The following SPAG16 variants were observed in gnomAD, a reference collection of about 807,000 sequenced individuals.
The protein encoded by SPAG16 is sperm associated antigen 16.
Under a neutral mutation model 80.4 loss-of-function variants are expected in SPAG16, and 86 were observed. The ratio of observed to expected loss-of-function variants is 1.07; its 90% CI spans 0.90 to 1.28. The LOEUF (loss-of-function observed/expected upper bound fraction) is 1.28, where lower values mean the gene tolerates loss of function less well. SPAG16 is among the 50% of genes most tolerant of loss of function. The pLI is 0.00. For synonymous variants in SPAG16, 294 were observed against 265.9 expected, an observed-to-expected ratio of 1.11 and a Z score of -1.03; for missense variants, 870 against 765.3, an observed-to-expected ratio of 1.14 and a Z score of -1.61.
chr2:213,991,985 A>G (rs1032601726), intron 12 of SPAG16, among the ~76,000 whole-genome samples: 3 of 152,056 alleles, frequency 2.0e-5, no homozygotes, highest in African/African-American at 7.2e-5. Context: ...GTCCTGCATA[A>G]TGAAGACTTG....
At chr2:213,455,692 A>C (rs963227202) in intron 9 of SPAG16, among the ~76,000 whole-genome samples, 9 of 152,296 alleles carry the variant, frequency 5.9e-5, no homozygotes, top group Non-Finnish European at 1.0e-4. Flanking sequence ...TCACATGCAC[A>C]GTTCACAATA....
intron 10 of SPAG16, among the ~76,000 whole-genome samples, chr2:213,860,355 ATATATATATG>A (rs1472245620): frequency 1.3e-3 from 171 of 127,300 alleles, no homozygotes; most frequent in East Asian, 5.3e-3. Context: ...ATATATATAT[ATATATATATG>A]TGTGTGTGTG....
rs117089916 is a variant in SPAG16, at chr2:213,484,723, C to G, written c.943-5240C>G. Among the ~76,000 whole-genome samples, 84 of 152,168 alleles carry G rather than the reference C, an allele frequency of 5.5e-4. No homozygotes were observed. The East Asian group carries it at 0.015, about 28-fold the overall frequency. On this transcript the variant is annotated intron_variant, in intron 9 of 15. Transcript: ENST00000331683. ...ATTATCATTTCCCAATAGTATTGAT[C>G]AGTGTAAGCAACATTAGGTACTGCA...
chr2:214,163,627 C>CATAT (rs745565184), intron 15 of SPAG16, among the ~76,000 whole-genome samples: 14 of 109,440 alleles, frequency 1.3e-4, no homozygotes, highest in African/African-American at 4.0e-4. Context: ...CACATATATA[C>CATAT]ATATATATAT....
At chr2:214,128,763 T>G (rs1487167538) in intron 14 of SPAG16, among the ~76,000 whole-genome samples, 1 of 151,842 alleles carries the variant, frequency 6.6e-6, no homozygotes, top group African/African-American at 2.4e-5. Flanking sequence ...AAGTTTACCT[T>G]GTTGGATGCT....
At chr2:214,022,187 G>A (rs2047906246) in intron 13 of SPAG16, among the ~76,000 whole-genome samples, 1 of 151,866 alleles carries the variant, frequency 6.6e-6, no homozygotes, top group Admixed American at 6.6e-5. Flanking sequence ...AACATTTCGT[G>A]TAATTACTAA....
chr2:214,387,232 G>T (rs1444138980), intron 15 of SPAG16, among the ~76,000 whole-genome samples: 1 of 151,990 alleles, frequency 6.6e-6, no homozygotes, highest in Admixed American at 6.6e-5. Flanking sequence ...TATTGGTAAG[G>T]CATTCTATTG....
chr2:213,617,035 GTGTAA>G (rs2061619057), intron 10 of SPAG16, among the ~76,000 whole-genome samples: 1 of 152,162 alleles, frequency 6.6e-6, no homozygotes, highest in African/African-American at 2.4e-5. Flanking sequence ...TTGGTCCCGT[GTGTAA>G]TGGGTAGGTG....
chr2:214,178,901 C>T lies in SPAG16; in HGVS notation c.1720+29635C>T, dbSNP rs77526382. Among the ~76,000 whole-genome samples the T allele has an allele frequency of 8.5e-3, 1,276 of 151,000 alleles. 10 individuals carry two copies. Among genetic ancestry groups the T allele is most frequent in the African/African-American group, 0.029 (1,207 of 41,326 alleles). Reference sequence around the variant, plus strand: ...ATAATATATAGTTTATTATATATAGCGTGTAAATAAAAGCCCAGTTGTTAC... The same window carrying T: ...ATAATATATAGTTTATTATATATAGTGTGTAAATAAAAGCCCAGTTGTTAC... On this transcript the variant is annotated intron_variant, in intron 15 of 15. Transcript: ENST00000331683.
intron 15 of SPAG16, among the ~76,000 whole-genome samples, chr2:214,257,617 T>G: frequency 6.6e-6 from 1 of 152,108 alleles, no homozygotes; most frequent in East Asian, 1.9e-4. Context: ...TTTATTCTCT[T>G]AATATGGTGA....
intron 6 of SPAG16, among the ~76,000 whole-genome samples, chr2:213,342,548 G>A (rs757111585): frequency 1.3e-5 from 2 of 151,310 alleles, no homozygotes; most frequent in Non-Finnish European, 2.9e-5. Context: ...TCATCAATGA[G>A]GTATAATGTG....
intron 15 of SPAG16, among the ~76,000 whole-genome samples, chr2:214,216,585 G>T (rs558614628): frequency 6.6e-6 from 1 of 152,208 alleles, no homozygotes; most frequent in South Asian, 2.1e-4. Context: ...CTCCCAAAGT[G>T]CTGGGATTAC....
At chr2:213,712,486 A>G (rs2125364285) in intron 10 of SPAG16, among the ~76,000 whole-genome samples, 1 of 152,302 alleles carries the variant, frequency 6.6e-6, no homozygotes, top group Non-Finnish European at 1.5e-5. Flanking sequence ...GTGCCGCACC[A>G]TCTAAGCCAG....
chr2:213,406,480 G>T (rs1206793192), intron 9 of SPAG16, among the ~76,000 whole-genome samples: 1 of 152,114 alleles, frequency 6.6e-6, no homozygotes, highest in Non-Finnish European at 1.5e-5. Flanking sequence ...CATACATTAA[G>T]TTGTAATTTT....
chr2:213,892,552 C>T (rs917562374), intron 11 of SPAG16, among the ~76,000 whole-genome samples: 3 of 151,966 alleles, frequency 2.0e-5, no homozygotes, highest in Non-Finnish European at 4.4e-5. Context: ...GCTCAGTGAT[C>T]TGCAAGATAA....
At chr2:213,425,183 CATG>C (rs1221756192) in intron 9 of SPAG16, among the ~76,000 whole-genome samples, 1 of 151,742 alleles carries the variant, frequency 6.6e-6, no homozygotes, top group Non-Finnish European at 1.5e-5. Context: ...ATTAGCCAGG[CATG>C]GTGGTGGGCG....
At chr2:213,952,266 A>G (rs1559623610) in intron 12 of SPAG16, among the ~76,000 whole-genome samples, 1 of 152,072 alleles carries the variant, frequency 6.6e-6, no homozygotes, top group Non-Finnish European at 1.5e-5. Flanking sequence ...GGCATGGTAG[A>G]ATGCAGAAAT....
chr2:214,179,548 G>A (rs1238907265), intron 15 of SPAG16, among the ~76,000 whole-genome samples: 1 of 151,340 alleles, frequency 6.6e-6, no homozygotes, highest in African/African-American at 2.4e-5. Flanking sequence ...GGTCTCTCCT[G>A]TCTTCATTTC....
chr2:213,864,687 G>T (rs938714508), intron 11 of SPAG16, among the ~76,000 whole-genome samples: 2 of 151,908 alleles, frequency 1.3e-5, no homozygotes, highest in African/African-American at 4.8e-5. Context: ...ACTGTTAGCT[G>T]GATGTATTCC....
Sources: allele counts gnomAD v4.1 joint callset (sites outside exome capture counted in the v4.1 genomes callset), GRCh38; gene constraint gnomAD v4.1.1; transcripts MANE v1.5; gene names NCBI Gene and HGNC (gene_info 2026-07-23, HGNC 2026-07-21).